The following SH3GL2 variants were observed in gnomAD, a reference collection of about 807,000 sequenced individuals.
SH3GL2 encodes the protein endophilin-A1.
In SH3GL2, 24 loss-of-function variants were observed where a neutral mutation model predicts 46.0. The ratio of observed to expected loss-of-function variants is 0.52; its 90% CI spans 0.38 to 0.73. The LOEUF (loss-of-function observed/expected upper bound fraction) is 0.73. SH3GL2 is among the 30% of genes least tolerant of loss of function. The pLI is 0.00. For synonymous variants in SH3GL2, 196 were observed against 147.1 expected, an observed-to-expected ratio of 1.33 and a Z score of -2.40; for missense variants, 413 against 424.2, an observed-to-expected ratio of 0.97 and a Z score of 0.23.
chr9:17,609,668 A>G (rs1285716940), intron 1 of SH3GL2, among the ~76,000 whole-genome samples: 1 of 152,254 alleles, frequency 6.6e-6, no homozygotes, highest in Non-Finnish European at 1.5e-5. Context: ...AAACGTTTAG[A>G]TATGTACTTG....
intron 1 of SH3GL2, among the ~76,000 whole-genome samples, chr9:17,682,696 AAGG>A (rs1186713280): frequency 6.7e-6 from 1 of 148,260 alleles, no homozygotes; most frequent in African/African-American, 2.6e-5. Flanking sequence ...AAAAAAAAAA[AAGG>A]AAAACATGGG....
intron 2 of SH3GL2, among the ~76,000 whole-genome samples, chr9:17,760,959 G>T (rs572001431): frequency 6.6e-6 from 1 of 152,236 alleles, no homozygotes; most frequent in South Asian, 2.1e-4. Context: ...AAAAGTTCAA[G>T]GACAGACTAG....
intron 1 of SH3GL2, among the ~76,000 whole-genome samples, chr9:17,642,732 A>C (rs1819714589): frequency 6.6e-6 from 1 of 152,144 alleles, no homozygotes; most frequent in East Asian, 1.9e-4. Flanking sequence ...TGGTATGAGT[A>C]CCATACTGTT....
chr9:17,735,370 G>T (rs1218043024), intron 1 of SH3GL2, among the ~76,000 whole-genome samples: 1 of 152,106 alleles, frequency 6.6e-6, no homozygotes, highest in African/African-American at 2.4e-5. Flanking sequence ...AGAAAATCCA[G>T]AAATGTCCAT....
At chr9:17,741,664 A>T (rs749707133) in intron 1 of SH3GL2, among the ~76,000 whole-genome samples, 2 of 152,184 alleles carry the variant, frequency 1.3e-5, no homozygotes, top group Non-Finnish European at 2.9e-5. Flanking sequence ...ATTCATTGAG[A>T]TATATATTTT....
chr9:17,638,642 T>G (rs1386042896), intron 1 of SH3GL2, among the ~76,000 whole-genome samples: 3 of 152,210 alleles, frequency 2.0e-5, no homozygotes, highest in Non-Finnish European at 4.4e-5. Flanking sequence ...GCTTGGGGGA[T>G]GTGCAGAACA....
chr9:17,624,521 A>C (rs10963167), intron 1 of SH3GL2, among the ~76,000 whole-genome samples: 132,065 of 151,694 alleles, frequency 0.87, 58,126 homozygotes, highest in Non-Finnish European at 0.94. Context: ...AGTCTCATAT[A>C]ATTTTATTTA....
rs112638113 is a variant in SH3GL2, at chr9:17,711,825, A to G, written c.46-35241A>G. ...ATGGATGTATGTTTTCTTTAGGGTA[A>G]ATCTAAGAATGGAATAGCTGGATTA... is the stretch of plus-strand genomic sequence containing the variant. On this transcript the variant is annotated intron_variant, in intron 1 of 8. Coordinates refer to ENST00000380607, the MANE Select transcript of SH3GL2 (RefSeq NM_003026.5). Among the ~76,000 whole-genome samples the G allele has an allele frequency of 3.0e-3, 460 of 151,896 alleles. 8 individuals are homozygous for G. The highest frequency in any genetic ancestry group is 0.01 in the African/African-American group (418 of 41,524).
chr9:17,672,705 C>A (rs1820504162), intron 1 of SH3GL2, among the ~76,000 whole-genome samples: 1 of 152,146 alleles, frequency 6.6e-6, no homozygotes, highest in Non-Finnish European at 1.5e-5. Flanking sequence ...GTAACACACT[C>A]TGTATATTCA....
chr9:17,766,043 C>A (rs1049438227), intron 3 of SH3GL2, among the ~76,000 whole-genome samples: 7 of 152,176 alleles, frequency 4.6e-5, no homozygotes, highest in African/African-American at 1.7e-4. Flanking sequence ...TACTTTTATG[C>A]AAAGAGCAAT....
intron 1 of SH3GL2, among the ~76,000 whole-genome samples, chr9:17,661,083 A>C (rs1166561759): frequency 3.3e-5 from 5 of 152,098 alleles, no homozygotes; most frequent in Admixed American, 1.3e-4. Flanking sequence ...AATCGCTTGA[A>C]CCTGGGAGGC....
intron 1 of SH3GL2, among the ~76,000 whole-genome samples, chr9:17,626,426 C>T (rs2134613487): frequency 6.6e-6 from 1 of 152,278 alleles, no homozygotes; most frequent in East Asian, 1.9e-4. Context: ...TCATTAAGGT[C>T]CTAGTTGGAC....
At chr9:17,603,128 G>A (rs1818699758) in intron 1 of SH3GL2, among the ~76,000 whole-genome samples, 1 of 152,124 alleles carries the variant, frequency 6.6e-6, no homozygotes, top group African/African-American at 2.4e-5. Context: ...GAGCAGCAAA[G>A]AGTTTTATTT....
chr9:17,718,703 C>G (rs1821821431), intron 1 of SH3GL2, among the ~76,000 whole-genome samples: 1 of 152,130 alleles, frequency 6.6e-6, no homozygotes, highest in Admixed American at 6.6e-5. Context: ...GCACTCCAGC[C>G]TGGGTGACAG....
chr9:17,610,949 A>G (rs1291607430), intron 1 of SH3GL2, among the ~76,000 whole-genome samples: 2 of 152,192 alleles, frequency 1.3e-5, no homozygotes, highest in African/African-American at 2.4e-5. Context: ...CAGTCTGAAT[A>G]TAGAGAAGAT....
chr9:17,781,456 C>T (rs1823806398), intron 3 of SH3GL2, among the ~76,000 whole-genome samples: 1 of 150,250 alleles, frequency 6.7e-6, no homozygotes. Context: ...ATGGTAGTTT[C>T]TTTTGCTGTG....
intron 1 of SH3GL2, among the ~76,000 whole-genome samples, chr9:17,664,801 C>G (rs1038901333): frequency 6.6e-6 from 1 of 151,250 alleles, no homozygotes; most frequent in South Asian, 2.1e-4. Context: ...TTTCCTAGCC[C>G]TTCTTTTTTC....
chr9:17,606,238 A>G (rs776255226), intron 1 of SH3GL2, among the ~76,000 whole-genome samples: 2 of 151,976 alleles, frequency 1.3e-5, no homozygotes, highest in Non-Finnish European at 1.5e-5. Flanking sequence ...GATTACAGGC[A>G]CCCACCACCA....
intron 1 of SH3GL2, among the ~76,000 whole-genome samples, chr9:17,580,068 C>G (rs1488081099): frequency 6.6e-6 from 1 of 152,102 alleles, no homozygotes. Flanking sequence ...TGTAATAAAA[C>G]TGATTAATTT....
Sources: allele counts gnomAD v4.1 joint callset (sites outside exome capture counted in the v4.1 genomes callset), GRCh38; gene constraint gnomAD v4.1.1; transcripts MANE v1.5; gene names NCBI Gene and HGNC (gene_info 2026-07-23, HGNC 2026-07-21).